Variants in ARSB observed in about 807,000 individuals in gnomAD.
ARSB encodes N-acetylgalactosamine-4-sulfatase.
Under a neutral mutation model 50.9 loss-of-function variants are expected in ARSB, and 41 were observed. That is an observed-to-expected ratio of 0.81 (90% CI 0.63 to 1.04). The LOEUF is 1.04. Among genes scored for constraint, ARSB ranks in the 50% least tolerant of loss-of-function variants. ARSB has a pLI of 0.00. For synonymous variants in ARSB, 269 were observed against 284.8 expected (o/e 0.94, Z 0.56); for missense variants, 672 against 693.3 (o/e 0.97, Z 0.35).
chr5:78,943,551 G>T (rs1751049801), intron 4 of ARSB, among the ~76,000 whole-genome samples: 1 of 152,150 alleles, frequency 6.6e-6, no homozygotes. Flanking sequence ...TAGTTTGGCT[G>T]GATATGAAAG....
At chr5:78,840,792 C>T (rs1459250031) in intron 5 of ARSB, among the ~76,000 whole-genome samples, 1 of 152,022 alleles carries the variant, frequency 6.6e-6, no homozygotes, top group African/African-American at 2.4e-5. Flanking sequence ...GGGGGTGGGG[C>T]ATATTTCCCA....
intron 4 of ARSB, among the ~76,000 whole-genome samples, chr5:78,891,214 C>G (rs895911565): frequency 6.6e-6 from 1 of 152,104 alleles, no homozygotes; most frequent in Admixed American, 6.5e-5. Context: ...TTTTTCTAAG[C>G]CTTTGTCCAG....
intron 6 of ARSB, among the ~76,000 whole-genome samples, chr5:78,808,039 G>A (rs1743637932): frequency 7.8e-6 from 1 of 127,848 alleles, no homozygotes; most frequent in African/African-American, 3.1e-5. Context: ...CTTGCAGTGA[G>A]CCGAGATCCC....
intron 4 of ARSB, among the ~76,000 whole-genome samples, chr5:78,897,903 A>C (rs930041413): frequency 6.6e-6 from 1 of 152,126 alleles, no homozygotes; most frequent in African/African-American, 2.4e-5. Context: ...GATTAATCTA[A>C]GTTCATTCAG....
At chr5:78,817,425 G>A (rs1022948168) in intron 6 of ARSB, among the ~76,000 whole-genome samples, 2 of 152,046 alleles carry the variant, frequency 1.3e-5, no homozygotes, top group Non-Finnish European at 2.9e-5. Flanking sequence ...AGTATGTGTA[G>A]ATCCTGCAGA....
chr5:78,880,810 CT>C (rs1238991828), intron 5 of ARSB, among the ~76,000 whole-genome samples: 2 of 152,084 alleles, frequency 1.3e-5, no homozygotes, highest in Admixed American at 6.6e-5. Context: ...TGTTTAGGTA[CT>C]TTTTTCCTGT....
intron 6 of ARSB, among the ~76,000 whole-genome samples, chr5:78,785,286 C>T (rs967011016): frequency 6.6e-6 from 1 of 151,908 alleles, no homozygotes; most frequent in African/African-American, 2.4e-5. Flanking sequence ...ATTTCTAATA[C>T]GGACTATGAA....
At chr5:78,923,448 G>A (rs564958621) in intron 4 of ARSB, among the ~76,000 whole-genome samples, 1 of 152,362 alleles carries the variant, frequency 6.6e-6, no homozygotes, top group East Asian at 1.9e-4. Context: ...GCAGCAGCTG[G>A]AACAAAATAT....
chr5:78,837,043 G>T (rs1353551368), intron 6 of ARSB, among the ~76,000 whole-genome samples: 3 of 152,100 alleles, frequency 2.0e-5, no homozygotes, highest in African/African-American at 7.2e-5. Context: ...GTCACCTCCC[G>T]CCGGGCCCCT....
intron 6 of ARSB, among the ~76,000 whole-genome samples, chr5:78,787,901 G>C (rs934614180): frequency 6.6e-6 from 1 of 152,128 alleles, no homozygotes; most frequent in East Asian, 1.9e-4. Context: ...CCCTAGAAGT[G>C]GATTCGCTGC....
At chr5:78,940,155 G>C (rs1360079558) in intron 4 of ARSB, among the ~76,000 whole-genome samples, 3 of 152,004 alleles carry the variant, frequency 2.0e-5, no homozygotes, top group East Asian at 1.9e-4. Context: ...AAATTTGTTT[G>C]AGTTCATTGT....
chr5:78,941,661 A>T (rs1463396071), intron 4 of ARSB, among the ~76,000 whole-genome samples: 1 of 152,002 alleles, frequency 6.6e-6, no homozygotes, highest in Non-Finnish European at 1.5e-5. Flanking sequence ...AAGCTTTTTG[A>T]TGTGCTGCTG....
At chr5:78,798,328 G>GT (rs1470161067) in intron 6 of ARSB, among the ~76,000 whole-genome samples, 2 of 147,714 alleles carry the variant, frequency 1.4e-5, no homozygotes, top group Non-Finnish European at 3.0e-5. Context: ...CTAAATACAC[G>GT]TTTTTTTAAG....
intron 5 of ARSB, among the ~76,000 whole-genome samples, chr5:78,856,989 A>G (rs1746183169): frequency 6.6e-6 from 1 of 152,216 alleles, no homozygotes; most frequent in South Asian, 2.1e-4. Context: ...AGCAGAATCT[A>G]GATAAAAGTA....
At position 78,859,983 on chromosome 5, in the gene ARSB, T is replaced by G. The variant is rs866426018; in HGVS notation, c.1143-20557A>C. 2.0e-5 allele frequency among the ~76,000 whole-genome samples: 3 copies of G among 152,290 alleles called. No individual in the cohort carries two copies. In the South Asian group the frequency reaches 6.2e-4, roughly 32 times the overall value. ...TCCAAAAGGTTGGGAAATTAGGGAA[T>G]CAAATAATATAGCATTCCTTAAACA... On this transcript the variant is annotated intron_variant, in intron 5 of 7. Transcript: ENST00000264914.
At chr5:78,813,289 C>A (rs996549972) in intron 6 of ARSB, among the ~76,000 whole-genome samples, 2 of 152,084 alleles carry the variant, frequency 1.3e-5, no homozygotes, top group Admixed American at 6.5e-5. Flanking sequence ...GTCTTGAACT[C>A]CTGACCTCAG....
intron 1 of ARSB, among the ~76,000 whole-genome samples, chr5:78,969,612 G>GTTTTGT (rs1752363363): frequency 1.3e-5 from 2 of 152,002 alleles, no homozygotes; most frequent in African/African-American, 4.8e-5. Flanking sequence ...TTTACAAGTG[G>GTTTTGT]TTTTGTTTTT....
At chr5:78,858,002 C>T (rs1746236805) in intron 5 of ARSB, among the ~76,000 whole-genome samples, 1 of 152,190 alleles carries the variant, frequency 6.6e-6, no homozygotes, top group Non-Finnish European at 1.5e-5. Flanking sequence ...TAGAGACAAG[C>T]TTGGCATGGC....
chr5:78,957,055 C>T (rs1055030961), intron 3 of ARSB, among the ~76,000 whole-genome samples: 3 of 152,176 alleles, frequency 2.0e-5, no homozygotes, highest in Non-Finnish European at 2.9e-5. Context: ...TTACCACTTA[C>T]ATCAATTTGC....
Sources: allele counts gnomAD v4.1 joint callset (sites outside exome capture counted in the v4.1 genomes callset), GRCh38; gene constraint gnomAD v4.1.1; transcripts MANE v1.5; gene names NCBI Gene and HGNC (gene_info 2026-07-23, HGNC 2026-07-21).